The following KCNIP4 variants were observed in gnomAD, a reference collection of about 807,000 sequenced individuals.
KCNIP4 encodes Kv channel-interacting protein 4.
A neutral mutation model predicts 34.0 loss-of-function variants in KCNIP4; 12 were observed. The observed-to-expected ratio is 0.35, with a 90% CI of 0.23 to 0.57. The LOEUF (loss-of-function observed/expected upper bound fraction) is 0.57, where lower values mean the gene tolerates loss of function less well. Among genes scored for constraint, KCNIP4 ranks in the 20% least tolerant of loss-of-function variants. The pLI, the probability that KCNIP4 is intolerant of heterozygous loss-of-function variation, is 0.83. For synonymous variants in KCNIP4, 124 were observed against 102.2 expected (o/e 1.21, Z -1.29); for missense variants, 238 against 311.7 (o/e 0.76, Z 1.78).
chr4:21,495,198 G>A (rs1025093976), intron 1 of KCNIP4, among the ~76,000 whole-genome samples: 1 of 149,952 alleles, frequency 6.7e-6, no homozygotes. Flanking sequence ...AGGATGTTGG[G>A]TTTGGTCAGT....
chr4:21,232,758 A>G (rs758387356), intron 1 of KCNIP4, among the ~76,000 whole-genome samples: 1 of 152,226 alleles, frequency 6.6e-6, no homozygotes. Context: ...TTCCCAGTCT[A>G]GTACAGAAGA....
intron 1 of KCNIP4, among the ~76,000 whole-genome samples, chr4:21,903,789 G>A (rs894063342): frequency 6.6e-6 from 1 of 151,960 alleles, no homozygotes; most frequent in Admixed American, 6.6e-5. Flanking sequence ...TTTCCCCTTC[G>A]AGTAATATAA....
intron 1 of KCNIP4, among the ~76,000 whole-genome samples, chr4:21,036,576 A>T (rs1741460975): frequency 6.6e-6 from 1 of 152,180 alleles, no homozygotes; most frequent in South Asian, 2.1e-4. Context: ...CTGCTATGTG[A>T]TTAGCTGGGC....
At chr4:21,009,696 T>A (rs1161163597) in intron 1 of KCNIP4, among the ~76,000 whole-genome samples, 4 of 152,250 alleles carry the variant, frequency 2.6e-5, no homozygotes, top group Non-Finnish European at 5.9e-5. Flanking sequence ...ATCCCTTTAT[T>A]TCCAAGTTCC....
At chr4:20,857,975 G>A (rs778891394) in intron 2 of KCNIP4, among the ~76,000 whole-genome samples, 17 of 151,992 alleles carry the variant, frequency 1.1e-4, no homozygotes, top group Non-Finnish European at 2.1e-4. Flanking sequence ...TTGAGAGGCC[G>A]ACGTGGGTGG....
At position 21,019,569 on chromosome 4, in the gene KCNIP4, A is replaced by G. The variant is rs184049940; in HGVS notation, c.62-136860T>C. On this transcript the variant is annotated intron_variant, in intron 1 of 8. Transcript: ENST00000382152. ...AACATTTGACTTTTAGAGGAACACA[A>G]TTTAGCCCATAGCACCACCTGAATA... 8.9e-4 allele frequency among the ~76,000 whole-genome samples: 136 copies of G among 152,248 alleles called. 2 individuals carry two copies. The East Asian group carries it at 0.021, about 23-fold the overall frequency.
chr4:21,064,470 T>C (rs1334246044), intron 1 of KCNIP4, among the ~76,000 whole-genome samples: 1 of 152,170 alleles, frequency 6.6e-6, no homozygotes, highest in African/African-American at 2.4e-5. Context: ...CACTGGATTT[T>C]GGTAGACCAA....
At chr4:20,960,855 G>A (rs558802450) in intron 1 of KCNIP4, among the ~76,000 whole-genome samples, 2 of 152,238 alleles carry the variant, frequency 1.3e-5, no homozygotes, top group South Asian at 2.1e-4. Flanking sequence ...CTGTAAGAAG[G>A]GGCAAGAGGT....
At chr4:21,570,133 T>C (rs893611159) in intron 1 of KCNIP4, among the ~76,000 whole-genome samples, 1 of 152,164 alleles carries the variant, frequency 6.6e-6, no homozygotes, top group East Asian at 1.9e-4. Flanking sequence ...CCACATTTCC[T>C]ACTGGCAAAA....
chr4:21,530,558 GATATA>G (rs1736586644), intron 1 of KCNIP4, among the ~76,000 whole-genome samples: 1 of 152,024 alleles, frequency 6.6e-6, no homozygotes, highest in African/African-American at 2.4e-5. Context: ...AATAATTGTT[GATATA>G]ATATATTAAT....
At chr4:21,281,894 T>C (rs1315868450) in intron 1 of KCNIP4, among the ~76,000 whole-genome samples, 2 of 152,154 alleles carry the variant, frequency 1.3e-5, no homozygotes, top group East Asian at 3.9e-4. Context: ...ATTTTCTTGG[T>C]GAAGAAAGAA....
chr4:20,864,085 T>TATATGCATGTATACGTATGTATGTATAC (rs1560525111), intron 2 of KCNIP4, among the ~76,000 whole-genome samples: 1 of 146,192 alleles, frequency 6.8e-6, no homozygotes, highest in South Asian at 2.1e-4. Flanking sequence ...TGTATGTATG[T>TATATGCATGTATACGTATGTATGTATAC]ATATGCATGT....
At chr4:20,999,414 G>GTTTTTTTTTTT (rs5856594) in intron 1 of KCNIP4, among the ~76,000 whole-genome samples, 2 of 95,348 alleles carry the variant, frequency 2.1e-5, no homozygotes, top group African/African-American at 9.3e-5. Context: ...TTGTGGTGGT[G>GTTTTTTTTTTT]TTTTTTTTTT....
intron 1 of KCNIP4, among the ~76,000 whole-genome samples, chr4:21,259,935 G>A (rs1049846374): frequency 6.7e-6 from 1 of 149,180 alleles, no homozygotes; most frequent in South Asian, 2.1e-4. Context: ...GTGCGCTTAT[G>A]TGCATTGTGC....
At chr4:21,093,014 A>G (rs1224415860) in intron 1 of KCNIP4, among the ~76,000 whole-genome samples, 1 of 152,250 alleles carries the variant, frequency 6.6e-6, no homozygotes, top group Non-Finnish European at 1.5e-5. Context: ...AACGGCTTTG[A>G]GACAGTGCTA....
At chr4:21,239,768 T>C (rs1759660439) in intron 1 of KCNIP4, among the ~76,000 whole-genome samples, 1 of 152,184 alleles carries the variant, frequency 6.6e-6, no homozygotes, top group African/African-American at 2.4e-5. Context: ...ACTTTTACAC[T>C]GTTGGTGGGA....
intron 3 of KCNIP4, among the ~76,000 whole-genome samples, chr4:20,802,342 G>A (rs1714436712): frequency 6.6e-6 from 1 of 150,444 alleles, no homozygotes; most frequent in Admixed American, 6.6e-5. Context: ...TCCAACATTG[G>A]AACACCTGAA....
intron 1 of KCNIP4, among the ~76,000 whole-genome samples, chr4:20,950,129 A>AT (rs1732623443): frequency 1.5e-5 from 1 of 67,366 alleles, no homozygotes. Context: ...TATTTTTTAA[A>AT]TTAAAAAAAA....
chr4:21,512,043 G>A (rs1004336474), intron 1 of KCNIP4, among the ~76,000 whole-genome samples: 21 of 147,888 alleles, frequency 1.4e-4, no homozygotes, highest in African/African-American at 5.3e-4. Context: ...AGGAAGGAGG[G>A]AAGGAAAAAG....
Sources: allele counts gnomAD v4.1 joint callset (sites outside exome capture counted in the v4.1 genomes callset), GRCh38; gene constraint gnomAD v4.1.1; transcripts MANE v1.5; gene names NCBI Gene and HGNC (gene_info 2026-07-23, HGNC 2026-07-21).